Variants in APPL2 observed in about 807,000 individuals in gnomAD.
APPL2 encodes adaptor protein, phosphotyrosine interacting with PH domain and leucine zipper 2.
A neutral mutation model predicts 92.7 loss-of-function variants in APPL2; 84 were observed. The observed-to-expected ratio is 0.91, with a 90% CI of 0.76 to 1.09. The LOEUF (loss-of-function observed/expected upper bound fraction) is 1.09. Ranked by LOEUF, APPL2 falls within the 50% of genes least tolerant of loss-of-function variation. The pLI, the probability that APPL2 is intolerant of heterozygous loss-of-function variation, is 0.00. For missense variants in APPL2, 736 were observed against 824.5 expected, an observed-to-expected ratio of 0.89 and a Z score of 1.31; for synonymous variants, 291 against 291.0, an observed-to-expected ratio of 1.00 and a Z score of 0.00.
chr12:105,228,223 C>T (rs900545506), intron 2 of APPL2, among the ~76,000 whole-genome samples: 2 of 152,142 alleles, frequency 1.3e-5, no homozygotes, highest in Admixed American at 6.5e-5. Flanking sequence ...ATGCTTGGGA[C>T]CAGAAGGATT....
intron 17 of APPL2, 23 bp from the exon 18 acceptor site, chr12:105,177,285 A>G (rs767756992): frequency 1.9e-6 from 3 of 1,603,614 alleles, no homozygotes; most frequent in African/African-American, 2.7e-5. Context: ...AAGATACATT[A>G]TGTCACAAAT....
intron 17 of APPL2, among the ~76,000 whole-genome samples, chr12:105,187,828 C>A (rs1258825110): frequency 6.6e-6 from 1 of 152,252 alleles, no homozygotes; most frequent in Non-Finnish European, 1.5e-5. Flanking sequence ...GGATTTTGGT[C>A]ATATCTGAAA....
At chr12:105,207,876 A>G in intron 7 of APPL2, 95 bp downstream of exon 7, 1 of 1,146,728 alleles carries the variant, frequency 8.7e-7, no homozygotes, top group Non-Finnish European at 1.3e-6. Context: ...AAAAAAAAAT[A>G]ACCACGCACC....
At position 105,208,004 on chromosome 12, in the gene APPL2, G is replaced by A; in HGVS notation, c.441C>T (p.Tyr147=). ...TCTCCTTTTTCTTAGGCAGCCTGCT[G>A]TATTTTGCCATTGAGAGGTCATGCT... The part of the protein sequence containing the change: ...SNEHDLSMAK[Y]SRLPKKKENE... The change falls in exon 7 of 21, where the codon TAC becomes TAT. Residue 147 remains tyrosine, a synonymous_variant. Coordinates refer to ENST00000258530, the MANE Select transcript of APPL2 (RefSeq NM_018171.5). 4 of 1,614,136 alleles carry A rather than the reference G, an allele frequency of 2.5e-6. No individual in the cohort carries two copies. The highest frequency in any genetic ancestry group is 3.4e-6 in the Non-Finnish European group (4 of 1,179,978).
chr12:105,188,534 C>T, intron 16 of APPL2, 87 bp from the exon 17 acceptor site: 1 of 1,458,886 alleles, frequency 6.9e-7, no homozygotes, highest in Non-Finnish European at 9.3e-7. Flanking sequence ...CTAGTTTTGC[C>T]TGCTTTCTGT....
At chr12:105,221,885 G>A (rs1890126185) in intron 2 of APPL2, among the ~76,000 whole-genome samples, 1 of 152,230 alleles carries the variant, frequency 6.6e-6, no homozygotes, top group Admixed American at 6.5e-5. Context: ...CTGTAGCACA[G>A]AACGCTAACT....
intron 10 of APPL2, among the ~76,000 whole-genome samples, chr12:105,198,634 G>A (rs1887874630): frequency 6.6e-6 from 1 of 152,184 alleles, no homozygotes; most frequent in Admixed American, 6.5e-5. Flanking sequence ...TTACTGAGTA[G>A]CAACTATGTC....
chr12:105,224,124 A>C (rs1463180627), intron 2 of APPL2, among the ~76,000 whole-genome samples: 1 of 152,198 alleles, frequency 6.6e-6, no homozygotes, highest in African/African-American at 2.4e-5. Context: ...CATGAGGGAA[A>C]GCTGCAGACC....
At chr12:105,221,130 G>A (rs577021233) in intron 2 of APPL2, among the ~76,000 whole-genome samples, 10 of 152,320 alleles carry the variant, frequency 6.6e-5, no homozygotes, top group African/African-American at 2.4e-4. Flanking sequence ...TGTAAGAAAT[G>A]CTTTACCAAC....
rs1888878293 is a variant in APPL2 at position 105,207,953 on chromosome 12, C to T, written c.474+18G>A. The stretch of plus-strand genomic sequence containing the variant: ...TTTATGTAAATGAAGTGAAAAACAA[C>T]ATGTAAAGTATTCTTACCTTCTCAT... On this transcript the variant is annotated intron_variant, in intron 7 of 20. Coordinates refer to ENST00000258530, the MANE Select transcript of APPL2 (RefSeq NM_018171.5). 4 of 1,605,046 alleles carry T rather than the reference C, an allele frequency of 2.5e-6. No individual in the cohort carries two copies. Among genetic ancestry groups the T allele is most frequent in the Admixed American group, 3.3e-5 (2 of 59,974 alleles).
At chr12:105,222,868 T>C (rs537020517) in intron 2 of APPL2, among the ~76,000 whole-genome samples, 28 of 152,252 alleles carry the variant, frequency 1.8e-4, no homozygotes, top group African/African-American at 6.5e-4. Context: ...GAAGAAAAGG[T>C]GTCAGAGAAA....
intron 2 of APPL2, among the ~76,000 whole-genome samples, chr12:105,221,061 G>A (rs1279818754): frequency 6.6e-6 from 1 of 152,200 alleles, no homozygotes; most frequent in Non-Finnish European, 1.5e-5. Context: ...TGTGTGAAAA[G>A]TCTTTCAAAA....
At position 105,208,027 on chromosome 12, in the gene APPL2, G is replaced by A. The variant is rs199849659; in HGVS notation, c.418C>T (p.His140Tyr). The change falls in exon 7 of 21, where the codon CAT becomes TAT. Residue 140 changes from histidine (H) to tyrosine (Y), a missense_variant and splice_region_variant. Physicochemically the swap from His to Tyr is moderately conservative, Grantham distance 83. Coordinates refer to ENST00000258530, the MANE Select transcript of APPL2 (RefSeq NM_018171.5). The stretch of plus-strand genomic sequence containing the variant: ...CTGTATTTTGCCATTGAGAGGTCAT[G>A]CTCTAAAAATAAACAGACATCTGAA... ...KDLFGLASNEHDLSMAKYSRL... is the reference protein window; with the variant it reads ...KDLFGLASNEYDLSMAKYSRL... 2 of 1,614,104 alleles carry A rather than the reference G, an allele frequency of 1.2e-6. No individual in the cohort carries two copies. Among genetic ancestry groups the A allele is most frequent in the East Asian group, 4.5e-5 (2 of 44,882 alleles).
intron 9 of APPL2, among the ~76,000 whole-genome samples, chr12:105,200,852 G>C (rs1224507802): frequency 2.2e-5 from 3 of 137,018 alleles, no homozygotes; most frequent in Non-Finnish European, 3.2e-5. Flanking sequence ...ATGTATGTAT[G>C]TATGTATGTA....
In APPL2 at chr12:105,225,301, G is replaced by T. The variant is rs146275268; in HGVS notation, c.153+3824C>A. On this transcript the variant is annotated intron_variant, in intron 2 of 20. Transcript: ENST00000258530. The stretch of plus-strand genomic sequence containing the variant: ...CCGCTGGGGATAGCCTTCCTGTCCT[G>T]CCTGCCAGGAACATTATTACCCCTG... Among the ~76,000 whole-genome samples, 297 of 152,214 alleles carry T rather than the reference G, an allele frequency of 2.0e-3. 3 individuals carry two copies. Among genetic ancestry groups the T allele is most frequent in the African/African-American group, 6.8e-3 (284 of 41,520 alleles).
chr12:105,176,073 C>T lies in APPL2; in HGVS notation c.1822G>A (p.Ala608Thr), dbSNP rs1276113244. Residue 608 changes from alanine (A) to threonine (T), a missense_variant, in exon 20 of 21, where the codon GCT (alanine) becomes ACT (threonine). Ala to Thr is a moderately conservative substitution (Grantham distance 58). Transcript: ENST00000258530. The part of the protein sequence containing the change: ...SNSEGEKICY[A>T]INLGKEIIEV... ...ATAATTTCTTTTCCCAAATTAATAG[C>T]ATAACATATCTGCAAAAGACAAGAA... 1.3e-6 allele frequency: 2 copies of T among 1,591,780 alleles called. No homozygotes were observed. Among genetic ancestry groups the T allele is most frequent in the South Asian group, 2.3e-5 (2 of 85,960 alleles).
chr12:105,214,385 A>C (rs1287857477), intron 4 of APPL2, among the ~76,000 whole-genome samples: 1 of 152,202 alleles, frequency 6.6e-6, no homozygotes, highest in Non-Finnish European at 1.5e-5. Context: ...TCAGGAGTGT[A>C]GTCTATTGCT....
chr12:105,203,991 T>C (rs1422935093), intron 8 of APPL2, among the ~76,000 whole-genome samples: 1 of 152,196 alleles, frequency 6.6e-6, no homozygotes, highest in Non-Finnish European at 1.5e-5. Flanking sequence ...TGGGTGCCAA[T>C]GGAAGGGATT....
chr12:105,230,670 C>A (rs1890855361), intron 1 of APPL2, among the ~76,000 whole-genome samples: 1 of 152,194 alleles, frequency 6.6e-6, no homozygotes, highest in Non-Finnish European at 1.5e-5. Context: ...AGAATAAGAA[C>A]CTATGCATTG....
Sources: allele counts gnomAD v4.1 joint callset (sites outside exome capture counted in the v4.1 genomes callset), GRCh38; gene constraint gnomAD v4.1.1; transcripts MANE v1.5; gene names NCBI Gene and HGNC (gene_info 2026-07-23, HGNC 2026-07-21).